Variants in GPHN observed in about 807,000 individuals in gnomAD.
GPHN encodes gephyrin.
GPHN carries 17 observed loss-of-function variants against 95.5 expected under a neutral mutation model. The ratio of observed to expected loss-of-function variants is 0.18; its 90% confidence interval spans 0.12 to 0.27. The LOEUF (loss-of-function observed/expected upper bound fraction) is 0.27, where lower values mean the gene tolerates loss of function less well. Among genes scored for constraint, GPHN ranks in the 10% least tolerant of loss-of-function variants. The probability of loss-of-function intolerance (pLI) is 1.00; values close to 1 mark genes in which losing one functional copy is unlikely to be tolerated. For missense variants in GPHN, 660 were observed against 978.1 expected (o/e 0.67, Z 4.34); for synonymous variants, 320 against 322.5 (o/e 0.99, Z 0.08).
At chr14:66,879,466 G>A (rs568256366) in intron 4 of GPHN, among the ~76,000 whole-genome samples, 2 of 151,968 alleles carry the variant, frequency 1.3e-5, no homozygotes, top group African/African-American at 2.4e-5. Flanking sequence ...GGGGAAACCT[G>A]ACATGATGAC....
At chr14:66,541,278 A>G (rs1157557534) in intron 1 of GPHN, among the ~76,000 whole-genome samples, 2 of 152,198 alleles carry the variant, frequency 1.3e-5, no homozygotes, top group Non-Finnish European at 2.9e-5. Flanking sequence ...TTTGGGTCTG[A>G]TCCATGGCAT....
At chr14:66,894,221 A>G (rs1446403706) in intron 5 of GPHN, among the ~76,000 whole-genome samples, 1 of 152,168 alleles carries the variant, frequency 6.6e-6, no homozygotes, top group Non-Finnish European at 1.5e-5. Context: ...ATCTACCACT[A>G]TCTGATCCTG....
intron 8 of GPHN, among the ~76,000 whole-genome samples, chr14:66,956,801 C>A (rs1446858468): frequency 1.3e-5 from 2 of 151,938 alleles, no homozygotes; most frequent in African/African-American, 4.8e-5. Flanking sequence ...ATGATGAGTT[C>A]ATGTCCTTTG....
intron 9 of GPHN, among the ~76,000 whole-genome samples, chr14:67,017,664 C>G (rs1329177600): frequency 1.3e-5 from 2 of 152,088 alleles, no homozygotes; most frequent in South Asian, 4.1e-4. Context: ...ATCTTCTTAA[C>G]CTAACCTGAA....
chr14:66,572,806 C>T (rs1397749252), intron 1 of GPHN, among the ~76,000 whole-genome samples: 1 of 152,070 alleles, frequency 6.6e-6, no homozygotes, highest in East Asian at 1.9e-4. Flanking sequence ...GAATAGAAGT[C>T]GTGAGAGTGG....
At chr14:67,674,093 G>C in the GPHN span, among the ~76,000 whole-genome samples, 1 of 152,184 alleles carries the variant, frequency 6.6e-6, no homozygotes, top group Admixed American at 6.5e-5. Context: ...CTACATTACA[G>C]GACCGCAGAT....
chr14:66,851,111 G>A (rs1297122672), intron 4 of GPHN, among the ~76,000 whole-genome samples: 1 of 151,502 alleles, frequency 6.6e-6, no homozygotes, highest in Non-Finnish European at 1.5e-5. Context: ...TACTGGCACT[G>A]TTTTTGTTGT....
the GPHN span, chr14:67,347,527 G>A: frequency 7.7e-7 from 1 of 1,305,860 alleles, no homozygotes. Flanking sequence ...CTGAGACGGA[G>A]TTTTGCTCTT....
At position 67,110,269 on chromosome 14, in the gene GPHN, C is replaced by T; in HGVS notation, c.1413+10C>T. The stretch of plus-strand genomic sequence containing the variant: ...CAGGGAATCAGATGATGTACGTCAT[C>T]ACCAAGTCTTACTGTGCTGTTGTTC... On this transcript the variant is annotated intron_variant, in intron 14 of 22. Transcript: ENST00000478722. 6.2e-7 allele frequency: 1 copy of T among 1,613,188 alleles called. No homozygotes were observed. The highest frequency in any genetic ancestry group is 8.5e-7 in the Non-Finnish European group (1 of 1,179,208).
chr14:66,917,874 T>C (rs762191655), intron 6 of GPHN, among the ~76,000 whole-genome samples: 1 of 152,168 alleles, frequency 6.6e-6, no homozygotes, highest in Admixed American at 6.5e-5. Flanking sequence ...ACACCCTCTC[T>C]TCACTTCCTA....
At chr14:66,782,820 G>A (rs1160103891) in intron 3 of GPHN, among the ~76,000 whole-genome samples, 1 of 151,960 alleles carries the variant, frequency 6.6e-6, no homozygotes, top group African/African-American at 2.4e-5. Context: ...ATGACAGAGC[G>A]AGACTCCATC....
chr14:66,639,015 A>T (rs1445500682), intron 1 of GPHN, among the ~76,000 whole-genome samples: 1 of 152,034 alleles, frequency 6.6e-6, no homozygotes, highest in Non-Finnish European at 1.5e-5. Flanking sequence ...AAGAACCTGG[A>T]CCATCTCATT....
intron 1 of GPHN, among the ~76,000 whole-genome samples, chr14:66,549,888 G>A (rs1026152233): frequency 6.6e-6 from 1 of 152,108 alleles, no homozygotes; most frequent in African/African-American, 2.4e-5. Flanking sequence ...CCTGAATGAT[G>A]GCACATTTGT....
chr14:67,223,160 T>C, the GPHN span, among the ~76,000 whole-genome samples: 1 of 152,142 alleles, frequency 6.6e-6, no homozygotes, highest in Non-Finnish European at 1.5e-5. Flanking sequence ...CCACCATGCC[T>C]GGCTAATTTT....
the GPHN span, among the ~76,000 whole-genome samples, chr14:67,198,748 C>T: frequency 6.6e-6 from 1 of 152,168 alleles, no homozygotes; most frequent in Non-Finnish European, 1.5e-5. Flanking sequence ...GAGAAAAGCT[C>T]CCTTCTCATA....
chr14:67,427,939 T>TTTTA, the GPHN span, among the ~76,000 whole-genome samples: 1 of 151,310 alleles, frequency 6.6e-6, no homozygotes, highest in African/African-American at 2.4e-5. Context: ...TTTTTTTTTT[T>TTTTA]GAGACAAAGT....
At chr14:66,604,873 A>G in intron 1 of GPHN, among the ~76,000 whole-genome samples, 1 of 107,798 alleles carries the variant, frequency 9.3e-6, no homozygotes. Context: ...CCTCCTTTAG[A>G]CAACTCTAAA....
intron 2 of GPHN, among the ~76,000 whole-genome samples, chr14:66,722,739 G>C (rs2070876022): frequency 6.6e-6 from 1 of 152,018 alleles, no homozygotes; most frequent in Non-Finnish European, 1.5e-5. Flanking sequence ...CACCATGCCT[G>C]GCCACTAAAG....
intron 13 of GPHN, among the ~76,000 whole-genome samples, chr14:67,104,515 T>C (rs961185686): frequency 6.6e-6 from 1 of 152,200 alleles, no homozygotes. Flanking sequence ...GGAGACTTTA[T>C]TACAGATTCA....
Sources: allele counts gnomAD v4.1 joint callset (sites outside exome capture counted in the v4.1 genomes callset), GRCh38; gene constraint gnomAD v4.1.1; transcripts MANE v1.5; gene names NCBI Gene and HGNC (gene_info 2026-07-23, HGNC 2026-07-21).